Variants in ARHGAP15 observed in about 807,000 individuals in gnomAD.
ARHGAP15 encodes rho GTPase-activating protein 15.
Under a neutral mutation model 63.7 loss-of-function variants are expected in ARHGAP15, and 51 were observed. That is an observed-to-expected ratio of 0.80 (90% CI 0.64 to 1.01). The LOEUF is 1.01. Among genes scored for constraint, ARHGAP15 ranks in the 50% least tolerant of loss-of-function variants. The pLI, the probability that ARHGAP15 is intolerant of heterozygous loss-of-function variation, is 0.00. For synonymous variants in ARHGAP15, 191 were observed against 193.8 expected, an observed-to-expected ratio of 0.99 and a Z score of 0.12; for missense variants, 560 against 564.6, an observed-to-expected ratio of 0.99 and a Z score of 0.08.
chr2:143,262,978 T>C (rs901926575), intron 6 of ARHGAP15, among the ~76,000 whole-genome samples: 2 of 152,166 alleles, frequency 1.3e-5, no homozygotes, highest in Admixed American at 1.3e-4. Context: ...GACCCACATA[T>C]TCCACCTACT....
intron 12 of ARHGAP15, chr2:143,676,082 C>G (rs950718440): frequency 6.5e-6 from 1 of 154,332 alleles, no homozygotes; most frequent in Non-Finnish European, 1.4e-5. Flanking sequence ...ATTGTAGAGA[C>G]AGCTTTCTTT....
At position 143,679,654 on chromosome 2, in the gene ARHGAP15, CGT is replaced by C. The variant is rs60643761; in HGVS notation, c.1139-23736_1139-23735del. Among the ~76,000 whole-genome samples, 695 of 149,934 alleles carry C rather than the reference CGT, an allele frequency of 4.6e-3. 2 individuals are homozygous for C. Among genetic ancestry groups the C allele is most frequent in the South Asian group, 0.017 (80 of 4,706 alleles). On this transcript the variant is annotated intron_variant, in intron 12 of 13. Transcript: ENST00000295095. Reference sequence around the variant, plus strand: ...TCTTGAATGAGGGGGTGCGTGTGTGCGTGTGTGTGTGTGTGTGTGTGTGTGTG... The same window carrying C: ...TCTTGAATGAGGGGGTGCGTGTGTGCGTGTGTGTGTGTGTGTGTGTGTGTG...
At chr2:143,589,800 T>C (rs1389310788) in intron 11 of ARHGAP15, among the ~76,000 whole-genome samples, 1 of 152,168 alleles carries the variant, frequency 6.6e-6, no homozygotes, top group African/African-American at 2.4e-5. Flanking sequence ...GCACTAAAGC[T>C]TGGAAGTAAT....
intron 12 of ARHGAP15, among the ~76,000 whole-genome samples, chr2:143,646,284 A>G (rs1680874322): frequency 6.6e-6 from 1 of 152,058 alleles, no homozygotes; most frequent in Non-Finnish European, 1.5e-5. Flanking sequence ...ATGAAAGAAG[A>G]AGGTGGAATG....
intron 12 of ARHGAP15, among the ~76,000 whole-genome samples, chr2:143,699,570 G>C (rs534906436): frequency 3.9e-5 from 6 of 152,280 alleles, no homozygotes; most frequent in African/African-American, 1.4e-4. Flanking sequence ...TAACTGACCT[G>C]CTCACCAATC....
chr2:143,612,652 A>G (rs1298624994), intron 11 of ARHGAP15, among the ~76,000 whole-genome samples: 1 of 152,212 alleles, frequency 6.6e-6, no homozygotes, highest in Non-Finnish European at 1.5e-5. Flanking sequence ...TAAAGCAGGG[A>G]CAGGGCAGAC....
chr2:143,697,072 G>C (rs1683882245), intron 12 of ARHGAP15, among the ~76,000 whole-genome samples: 1 of 152,148 alleles, frequency 6.6e-6, no homozygotes, highest in Non-Finnish European at 1.5e-5. Context: ...CTACGCTCAA[G>C]GCGGTGGTTT....
At chr2:143,440,803 G>C (rs1689840330) in intron 8 of ARHGAP15, among the ~76,000 whole-genome samples, 3 of 152,310 alleles carry the variant, frequency 2.0e-5, no homozygotes, top group South Asian at 2.1e-4. Context: ...CCTGGGATGA[G>C]AGTAGGAGAG....
At chr2:143,371,874 T>G (rs1202022955) in intron 6 of ARHGAP15, among the ~76,000 whole-genome samples, 2 of 152,168 alleles carry the variant, frequency 1.3e-5, no homozygotes, top group Non-Finnish European at 2.9e-5. Context: ...GATTTATTCC[T>G]TAACCCAAAC....
chr2:143,405,474 T>C (rs1021498112), intron 6 of ARHGAP15, among the ~76,000 whole-genome samples: 9 of 151,892 alleles, frequency 5.9e-5, no homozygotes, highest in African/African-American at 1.2e-4. Context: ...AAAAAATTTG[T>C]GCTCCCCTTT....
intron 6 of ARHGAP15, among the ~76,000 whole-genome samples, chr2:143,414,853 T>C (rs1050738223): frequency 1.3e-5 from 2 of 152,098 alleles, no homozygotes; most frequent in Non-Finnish European, 2.9e-5. Flanking sequence ...CGCTAGAACC[T>C]GGGAGGCAGA....
At chr2:143,267,419 G>T (rs117876779) in intron 6 of ARHGAP15, among the ~76,000 whole-genome samples, 1,878 of 152,264 alleles carry the variant, frequency 0.012, 34 homozygotes, top group South Asian at 0.1. Context: ...ATGTCAACCT[G>T]CATGCCGATT....
intron 6 of ARHGAP15, among the ~76,000 whole-genome samples, chr2:143,316,021 G>A (rs1471745619): frequency 6.6e-6 from 1 of 152,074 alleles, no homozygotes; most frequent in Admixed American, 6.6e-5. Context: ...GGGAGGTGGA[G>A]GTTCCAGCTA....
chr2:143,224,516 C>T (rs1055020781), intron 4 of ARHGAP15, among the ~76,000 whole-genome samples: 1 of 152,062 alleles, frequency 6.6e-6, no homozygotes, highest in Non-Finnish European at 1.5e-5. Context: ...AGAGGGACTT[C>T]CTAGTGCAAA....
chr2:143,165,476 G>C (rs1690463951), intron 2 of ARHGAP15, among the ~76,000 whole-genome samples: 1 of 151,996 alleles, frequency 6.6e-6, no homozygotes, highest in African/African-American at 2.4e-5. Flanking sequence ...ACCCAATATA[G>C]GAAGACAGGA....
intron 12 of ARHGAP15, among the ~76,000 whole-genome samples, chr2:143,629,941 T>A (rs199928619): frequency 6.6e-6 from 1 of 152,194 alleles, no homozygotes; most frequent in Admixed American, 6.5e-5. Flanking sequence ...AAACTAGACT[T>A]GGCATTCAAA....
intron 6 of ARHGAP15, among the ~76,000 whole-genome samples, chr2:143,336,555 C>G (rs548261426): frequency 4.3e-5 from 5 of 115,262 alleles, no homozygotes; most frequent in Non-Finnish European, 9.7e-5. Flanking sequence ...AATCCTTTGC[C>G]CATGGATTCT....
intron 8 of ARHGAP15, among the ~76,000 whole-genome samples, chr2:143,481,453 G>A (rs1692077029): frequency 6.6e-6 from 1 of 152,006 alleles, no homozygotes; most frequent in Non-Finnish European, 1.5e-5. Context: ...GGAATACCGC[G>A]AGAACAGCAG....
intron 6 of ARHGAP15, among the ~76,000 whole-genome samples, chr2:143,417,339 ATAC>A: frequency 1.3e-5 from 2 of 152,298 alleles, no homozygotes; most frequent in Middle Eastern, 3.4e-3. Flanking sequence ...ACGGTTACAC[ATAC>A]TTTCTTCTTT....
Sources: allele counts gnomAD v4.1 joint callset (sites outside exome capture counted in the v4.1 genomes callset), GRCh38; gene constraint gnomAD v4.1.1; transcripts MANE v1.5; gene names NCBI Gene and HGNC (gene_info 2026-07-23, HGNC 2026-07-21).